The following SOBP variants were observed in gnomAD, a reference collection of about 807,000 sequenced individuals.
The protein encoded by SOBP is sine oculis binding protein homolog, also known as sine oculis-binding protein homolog.
A neutral mutation model predicts 53.6 loss-of-function variants in SOBP; 4 were observed. That is an observed-to-expected ratio of 0.07 (90% CI 0.04 to 0.17). SOBP has a LOEUF of 0.17. Ranked by LOEUF, SOBP falls within the 10% of genes least tolerant of loss-of-function variation. The pLI, the probability that SOBP is intolerant of heterozygous loss-of-function variation, is 1.00. For synonymous variants in SOBP, 584 were observed against 522.6 expected (o/e 1.12, Z -1.60); for missense variants, 1,088 against 1,204.7 (o/e 0.90, Z 1.43).
At chr6:107,495,459 G>A (rs1427358083) in intron 1 of SOBP, among the ~76,000 whole-genome samples, 2 of 152,192 alleles carry the variant, frequency 1.3e-5, no homozygotes, top group South Asian at 2.1e-4. Flanking sequence ...TATACAACTC[G>A]CAGATTCCAG....
intron 4 of SOBP, among the ~76,000 whole-genome samples, chr6:107,570,774 C>T (rs1050462643): frequency 5.3e-5 from 8 of 152,246 alleles, no homozygotes; most frequent in Non-Finnish European, 8.8e-5. Context: ...TGAAGATCCA[C>T]ATTAAGTGTA....
At chr6:107,626,364 C>T in intron 5 of SOBP, among the ~76,000 whole-genome samples, 1 of 152,234 alleles carries the variant, frequency 6.6e-6, no homozygotes, top group Non-Finnish European at 1.5e-5. Flanking sequence ...CTCTCCTGCC[C>T]TGTTCCACAG....
chr6:107,580,981 G>A (rs1583234509), intron 4 of SOBP, among the ~76,000 whole-genome samples: 1 of 152,204 alleles, frequency 6.6e-6, no homozygotes, highest in Admixed American at 6.5e-5. Context: ...AATATCCAGC[G>A]ATAGCGTTAA....
chr6:107,657,413 G>A (rs886766837), intron 6 of SOBP, among the ~76,000 whole-genome samples: 1 of 152,230 alleles, frequency 6.6e-6, no homozygotes, highest in Admixed American at 6.5e-5. Context: ...TGTTTTGGAT[G>A]TGAAGAGATG....
intron 5 of SOBP, among the ~76,000 whole-genome samples, chr6:107,618,332 G>A (rs1432430920): frequency 6.6e-6 from 1 of 152,182 alleles, no homozygotes; most frequent in African/African-American, 2.4e-5. Context: ...TGAAGTATTT[G>A]TCTGGTTAGA....
chr6:107,598,397 G>T (rs908717860), intron 5 of SOBP, among the ~76,000 whole-genome samples: 2 of 152,186 alleles, frequency 1.3e-5, no homozygotes, highest in African/African-American at 4.8e-5. Flanking sequence ...GCCCTTGGAG[G>T]GTGCGTAGCG....
chr6:107,604,053 G>A (rs939396580), intron 5 of SOBP, among the ~76,000 whole-genome samples: 3 of 152,120 alleles, frequency 2.0e-5, no homozygotes, highest in African/African-American at 7.2e-5. Context: ...CACCTATTTT[G>A]TCTGTTTTCA....
chr6:107,633,110 A>G (rs900727801), intron 5 of SOBP, among the ~76,000 whole-genome samples: 1 of 152,218 alleles, frequency 6.6e-6, no homozygotes. Context: ...GTAATATTTC[A>G]AGCCCATTGA....
Position 107,660,696 on chromosome 6 carries a change from T to C in SOBP, c.*2493T>C, listed in dbSNP as rs767351319. Among the ~76,000 whole-genome samples the C allele has an allele frequency of 6.6e-6, 1 of 152,216 alleles. No individual in the cohort carries two copies. The highest frequency in any genetic ancestry group is 1.5e-5 in the Non-Finnish European group (1 of 68,028). On this transcript the variant is annotated 3_prime_UTR_variant, in exon 7 of 7. Coordinates refer to ENST00000317357, the MANE Select transcript of SOBP (RefSeq NM_018013.4). ...TCCTAAGGTGGAAAGTATGCTAATATCTAGTTCTAGTCATTGTAAATCTAG... is the reference window on the plus strand; with the variant it reads ...TCCTAAGGTGGAAAGTATGCTAATACCTAGTTCTAGTCATTGTAAATCTAG...
intron 1 of SOBP, among the ~76,000 whole-genome samples, chr6:107,490,979 G>T (rs1231203763): frequency 6.6e-6 from 1 of 152,118 alleles, no homozygotes; most frequent in African/African-American, 2.4e-5. Flanking sequence ...GCGTTTCAGG[G>T]CGAGGGCACC....
intron 4 of SOBP, among the ~76,000 whole-genome samples, chr6:107,542,056 G>C (rs184336930): frequency 2.6e-5 from 4 of 152,146 alleles, no homozygotes; most frequent in Non-Finnish European, 5.9e-5. Flanking sequence ...AAAAGTCCCT[G>C]TCTTAAAGGG....
At chr6:107,588,494 A>C (rs920832736) in intron 5 of SOBP, among the ~76,000 whole-genome samples, 2 of 152,204 alleles carry the variant, frequency 1.3e-5, no homozygotes, top group African/African-American at 4.8e-5. Context: ...AGCATTACCT[A>C]TTCTGAGGAA....
At chr6:107,630,944 A>G (rs1320736429) in intron 5 of SOBP, among the ~76,000 whole-genome samples, 1 of 152,196 alleles carries the variant, frequency 6.6e-6, no homozygotes, top group East Asian at 1.9e-4. Context: ...AATTCTTTTT[A>G]TGTCAAAATC....
chr6:107,630,051 C>T (rs2115135058), intron 5 of SOBP, among the ~76,000 whole-genome samples: 1 of 152,344 alleles, frequency 6.6e-6, no homozygotes, highest in East Asian at 1.9e-4. Context: ...TAAACAGCTT[C>T]AGCCTCTGTC....
chr6:107,555,463 C>T (rs138463691), intron 4 of SOBP, among the ~76,000 whole-genome samples: 89 of 152,272 alleles, frequency 5.8e-4, no homozygotes, highest in African/African-American at 2.1e-3. Flanking sequence ...AGTTCTCGCC[C>T]ACATAGGTAG....
At chr6:107,570,380 A>C (rs539026312) in intron 4 of SOBP, among the ~76,000 whole-genome samples, 1 of 152,322 alleles carries the variant, frequency 6.6e-6, no homozygotes, top group East Asian at 1.9e-4. Context: ...TAAATCAATC[A>C]ATCTAGGGAA....
chr6:107,584,740 T>C (rs754877240), intron 4 of SOBP, among the ~76,000 whole-genome samples: 13 of 152,178 alleles, frequency 8.5e-5, no homozygotes, highest in Non-Finnish European at 1.9e-4. Context: ...TATGCAGCTT[T>C]ATATGAAGTC....
At chr6:107,622,750 G>T (rs1465754663) in intron 5 of SOBP, among the ~76,000 whole-genome samples, 1 of 152,120 alleles carries the variant, frequency 6.6e-6, no homozygotes. Context: ...TCTTGAGGGG[G>T]AAATGCAAGA....
chr6:107,511,930 G>T (rs1316917409), intron 3 of SOBP, among the ~76,000 whole-genome samples: 3 of 152,038 alleles, frequency 2.0e-5, no homozygotes, highest in Non-Finnish European at 4.4e-5. Context: ...CAGGATAATA[G>T]CTTTGCTTTT....
Sources: gnomAD v4.1 joint callset for allele counts (sites outside exome capture counted in the v4.1 genomes callset) on GRCh38, gnomAD v4.1.1 for gene constraint, MANE v1.5 for transcripts, NCBI Gene and HGNC (gene_info 2026-07-23, HGNC 2026-07-21) for gene names.